The following AUTS2 variants were observed in gnomAD, a reference collection of about 807,000 sequenced individuals.
AUTS2 encodes the protein autism susceptibility gene 2 protein.
In AUTS2, 17 loss-of-function variants were observed where a neutral mutation model predicts 112.4. That is an observed-to-expected ratio of 0.15 (90% CI 0.10 to 0.23). The LOEUF (loss-of-function observed/expected upper bound fraction) is 0.23, where lower values mean the gene tolerates loss of function less well. Among genes scored for constraint, AUTS2 ranks in the 10% least tolerant of loss-of-function variants. The pLI, the probability that AUTS2 is intolerant of heterozygous loss-of-function variation, is 1.00. For missense variants in AUTS2, 1,510 were observed against 1,701.6 expected (o/e 0.89, Z 1.98); for synonymous variants, 751 against 702.7 (o/e 1.07, Z -1.09).
chr7:70,417,656 G>A (rs950666039), intron 4 of AUTS2, among the ~76,000 whole-genome samples: 7 of 152,184 alleles, frequency 4.6e-5, no homozygotes, highest in South Asian at 2.1e-4. Context: ...GGAGACAGGC[G>A]TGAGCTGCCT....
At chr7:70,466,509 T>C (rs1427149167) in intron 5 of AUTS2, among the ~76,000 whole-genome samples, 1 of 152,208 alleles carries the variant, frequency 6.6e-6, no homozygotes, top group Non-Finnish European at 1.5e-5. Flanking sequence ...ACAAACAAAA[T>C]GGGCATGTTC....
At chr7:69,905,410 C>T (rs997703561) in intron 2 of AUTS2, among the ~76,000 whole-genome samples, 7 of 151,918 alleles carry the variant, frequency 4.6e-5, no homozygotes, top group Non-Finnish European at 8.8e-5. Context: ...CTGAGAGGTC[C>T]CATAACAAGC....
intron 6 of AUTS2, among the ~76,000 whole-genome samples, chr7:70,740,730 T>G (rs1455754828): frequency 6.6e-6 from 1 of 152,168 alleles, no homozygotes; most frequent in Admixed American, 6.5e-5. Flanking sequence ...GGTATTTTAT[T>G]AATAAATAAG....
intron 4 of AUTS2, among the ~76,000 whole-genome samples, chr7:70,218,718 A>G (rs1811305239): frequency 6.6e-6 from 1 of 152,150 alleles, no homozygotes; most frequent in South Asian, 2.1e-4. Flanking sequence ...AAATTACAAC[A>G]TGGCACCTAC....
chr7:70,435,815 A>G lies in AUTS2; in HGVS notation c.690+34A>G, dbSNP rs772332140. 56 of 1,607,858 alleles carry G rather than the reference A, an allele frequency of 3.5e-5. No individual in the cohort carries two copies. The East Asian group carries it at 1.1e-3, about 32-fold the overall frequency. On this transcript the variant is annotated intron_variant, in intron 5 of 18. Transcript: ENST00000342771. ...CCCCCTCCCCCATTGTGGGCACAGC[A>G]CATAACACACTGAACACCAGAGTCC...
At position 69,849,362 on chromosome 7, in the gene AUTS2, G is replaced by T. The variant is rs920223891; in HGVS notation, c.310-49924G>T. ...TGCCAAAATAATATAGAGAGATCCA[G>T]GGTGACCTTCACCTAGTACAATATA... On this transcript the variant is annotated intron_variant, in intron 1 of 18. Coordinates refer to ENST00000342771, the MANE Select transcript of AUTS2 (RefSeq NM_015570.4). Among the ~76,000 whole-genome samples, 2 of 152,168 alleles carry T rather than the reference G, an allele frequency of 1.3e-5. 1 individual carries two copies. Among genetic ancestry groups the T allele is most frequent in the South Asian group, 4.1e-4 (2 of 4,830 alleles).
At position 69,976,115 on chromosome 7, in the gene AUTS2, A is replaced by G. The variant is rs560195179; in HGVS notation, c.522+76617A>G. Among the ~76,000 whole-genome samples, 28 of 152,356 alleles carry G rather than the reference A, an allele frequency of 1.8e-4. 1 individual carries two copies. In the South Asian group the frequency reaches 3.7e-3, roughly 20 times the overall value. On this transcript the variant is annotated intron_variant, in intron 2 of 18. Transcript: ENST00000342771. The stretch of plus-strand genomic sequence containing the variant: ...TGAAACACATATCCAGAAGTTTTCC[A>G]TCTTGCAAATCTGAAACTCTTTACC...
chr7:70,383,999 C>T lies in AUTS2; in HGVS notation c.661-51753C>T, dbSNP rs185977702. 1.9e-4 allele frequency among the ~76,000 whole-genome samples: 29 copies of T among 152,246 alleles called. No individual in the cohort carries two copies. The East Asian group carries it at 2.9e-3, about 15-fold the overall frequency. On this transcript the variant is annotated intron_variant, in intron 4 of 18. Transcript: ENST00000342771. ...CAGCCACTTGCATTAATGATGAATG[C>T]GATTAGCAGCCTATGCTAGTCCATT...
chr7:70,211,677 G>T (rs1406983048), intron 4 of AUTS2, among the ~76,000 whole-genome samples: 2 of 145,610 alleles, frequency 1.4e-5, no homozygotes, highest in Admixed American at 1.4e-4. Context: ...AAAGAAAAAA[G>T]ACTTTCTTAT....
At chr7:69,954,568 C>T (rs547981866) in intron 2 of AUTS2, among the ~76,000 whole-genome samples, 30 of 152,320 alleles carry the variant, frequency 2.0e-4, no homozygotes, top group Non-Finnish European at 2.8e-4. Context: ...CTTGGCCCCC[C>T]AGTTGCTGCG....
chr7:69,814,955 C>G (rs1790695077), intron 1 of AUTS2, among the ~76,000 whole-genome samples: 2 of 152,108 alleles, frequency 1.3e-5, no homozygotes, highest in Non-Finnish European at 1.5e-5. Flanking sequence ...AGCGAGGTCC[C>G]CATTTAGGGA....
At chr7:70,299,090 G>C (rs562817808) in intron 4 of AUTS2, among the ~76,000 whole-genome samples, 193 of 152,330 alleles carry the variant, frequency 1.3e-3, no homozygotes, top group Non-Finnish European at 1.6e-3. Context: ...TAAGTTGATG[G>C]AAAGTCATTT....
At chr7:70,269,790 T>A (rs1324529793) in intron 4 of AUTS2, among the ~76,000 whole-genome samples, 1 of 152,194 alleles carries the variant, frequency 6.6e-6, no homozygotes, top group Non-Finnish European at 1.5e-5. Flanking sequence ...ACTCTTTGGC[T>A]CTTGGTAGAT....
At chr7:69,741,785 A>G (rs1787276437) in intron 1 of AUTS2, among the ~76,000 whole-genome samples, 1 of 149,978 alleles carries the variant, frequency 6.7e-6, no homozygotes, top group South Asian at 2.1e-4. Flanking sequence ...TGCCACCCCA[A>G]CCTAAATCCA....
intron 5 of AUTS2, among the ~76,000 whole-genome samples, chr7:70,550,196 C>T (rs1008320093): frequency 6.6e-6 from 1 of 152,200 alleles, no homozygotes; most frequent in African/African-American, 2.4e-5. Context: ...ACTCCCCAGA[C>T]TTGATAAGGT....
chr7:70,140,785 C>G (rs1430008972), intron 4 of AUTS2, among the ~76,000 whole-genome samples: 1 of 152,088 alleles, frequency 6.6e-6, no homozygotes, highest in Admixed American at 6.5e-5. Context: ...TAAATTTTAT[C>G]TAGAAATCCA....
At chr7:69,773,466 A>G (rs1443534169) in intron 1 of AUTS2, among the ~76,000 whole-genome samples, 1 of 151,988 alleles carries the variant, frequency 6.6e-6, no homozygotes, top group Non-Finnish European at 1.5e-5. Flanking sequence ...ACCAAAAAAA[A>G]AAAAAAAAAA....
chr7:70,355,761 A>G (rs951492079), intron 4 of AUTS2, among the ~76,000 whole-genome samples: 1 of 152,124 alleles, frequency 6.6e-6, no homozygotes, highest in Non-Finnish European at 1.5e-5. Context: ...GATATATGAC[A>G]CTAATATAGG....
chr7:69,670,555 CAAAAAAAAAAAAAAAAAAAA>C (rs200373158), intron 1 of AUTS2, among the ~76,000 whole-genome samples: 2,095 of 119,048 alleles, frequency 0.018, 56 homozygotes, highest in Admixed American at 0.032. Context: ...CTTGATCCCT[CAAAAAAAAAAAAAAAAAAAA>C]AAAAAAAAAA....
Sources: gnomAD v4.1 joint callset for allele counts (sites outside exome capture counted in the v4.1 genomes callset) on GRCh38, gnomAD v4.1.1 for gene constraint, MANE v1.5 for transcripts, NCBI Gene and HGNC (gene_info 2026-07-23, HGNC 2026-07-21) for gene names.